Variants in TMEM132C observed in about 807,000 individuals in gnomAD.
TMEM132C encodes transmembrane protein 132C, also known as protein phosphatase 1, regulatory subunit 152.
Under a neutral mutation model 61.4 loss-of-function variants are expected in TMEM132C, and 29 were observed. That is an observed-to-expected ratio of 0.47 (90% CI 0.35 to 0.64). The LOEUF (loss-of-function observed/expected upper bound fraction) is 0.64. Among genes scored for constraint, TMEM132C ranks in the 30% least tolerant of loss-of-function variants. TMEM132C has a pLI of 0.00. For missense variants in TMEM132C, 1,408 were observed against 1,476.9 expected, an observed-to-expected ratio of 0.95 and a Z score of 0.76; for synonymous variants, 656 against 633.1, an observed-to-expected ratio of 1.04 and a Z score of -0.54.
At chr12:128,648,174 T>A (rs948274409) in intron 4 of TMEM132C, among the ~76,000 whole-genome samples, 1 of 151,444 alleles carries the variant, frequency 6.6e-6, no homozygotes, top group Non-Finnish European at 1.5e-5. Context: ...CAACGTTAAA[T>A]ATGAGTGTGT....
intron 4 of TMEM132C, among the ~76,000 whole-genome samples, chr12:128,659,691 A>C (rs964474805): frequency 2.6e-5 from 4 of 152,232 alleles, no homozygotes; most frequent in Non-Finnish European, 5.9e-5. Flanking sequence ...CACTTGGATT[A>C]AGCGTCCTTA....
At chr12:128,421,182 A>G (rs954122238) in intron 2 of TMEM132C, among the ~76,000 whole-genome samples, 17 of 152,320 alleles carry the variant, frequency 1.1e-4, no homozygotes, top group African/African-American at 4.1e-4. Context: ...TCTAGCATCC[A>G]TTCTAGCACT....
At chr12:128,705,048 G>A in intron 8 of TMEM132C, 42 bp from the exon 9 acceptor site, 1 of 1,472,718 alleles carries the variant, frequency 6.8e-7, no homozygotes, top group African/African-American at 1.4e-5. Context: ...TAAGGGAAAA[G>A]GCATCCCCCA....
At chr12:128,335,570 C>A (rs533012689) in intron 1 of TMEM132C, among the ~76,000 whole-genome samples, 18 of 152,320 alleles carry the variant, frequency 1.2e-4, no homozygotes, top group Non-Finnish European at 2.4e-4. Flanking sequence ...TGAATAACCT[C>A]TTTTGATTAT....
At chr12:128,491,980 C>A (rs1368308992) in intron 2 of TMEM132C, among the ~76,000 whole-genome samples, 1 of 151,966 alleles carries the variant, frequency 6.6e-6, no homozygotes, top group Non-Finnish European at 1.5e-5. Context: ...AGGTATATCT[C>A]CTAATGCTTT....
intron 6 of TMEM132C, 105 bp from the exon 7 acceptor site, chr12:128,695,724 TG>T: frequency 7.8e-7 from 1 of 1,287,044 alleles, no homozygotes; most frequent in Non-Finnish European, 1.0e-6. Context: ...CTGGCGCTCG[TG>T]TCTTCAATGT....
At chr12:128,680,511 A>G (rs1954626565) in intron 5 of TMEM132C, among the ~76,000 whole-genome samples, 1 of 152,252 alleles carries the variant, frequency 6.6e-6, no homozygotes, top group South Asian at 2.1e-4. Context: ...AGAATGGAAT[A>G]AAATGAAAAT....
intron 2 of TMEM132C, among the ~76,000 whole-genome samples, chr12:128,441,385 C>G (rs1869779597): frequency 1.3e-5 from 2 of 152,238 alleles, no homozygotes; most frequent in Non-Finnish European, 2.9e-5. Flanking sequence ...CATTTCCCCT[C>G]AAGTCATACA....
At chr12:128,282,032 G>C (rs535754423) in intron 1 of TMEM132C, among the ~76,000 whole-genome samples, 1 of 152,174 alleles carries the variant, frequency 6.6e-6, no homozygotes, top group Non-Finnish European at 1.5e-5. Context: ...GTGGAAAATG[G>C]CTGGAGTTTT....
chr12:128,377,171 C>T (rs1874218720), intron 1 of TMEM132C, among the ~76,000 whole-genome samples: 1 of 152,052 alleles, frequency 6.6e-6, no homozygotes. Context: ...TCTCCTGCCT[C>T]AGACTCCCAA....
intron 1 of TMEM132C, among the ~76,000 whole-genome samples, chr12:128,375,813 T>C (rs1874174521): frequency 6.6e-6 from 1 of 152,122 alleles, no homozygotes; most frequent in Admixed American, 6.5e-5. Flanking sequence ...TTGGGGATGG[T>C]ATGTTCCAGG....
At chr12:128,328,786 TAAA>T (rs71069557) in intron 1 of TMEM132C, among the ~76,000 whole-genome samples, 5,582 of 94,048 alleles carry the variant, frequency 0.059, 182 homozygotes, top group African/African-American at 0.13. Context: ...GATTCTGTCT[TAAA>T]AAAAAAAAAA....
At chr12:128,551,976 T>C (rs1228259365) in intron 3 of TMEM132C, among the ~76,000 whole-genome samples, 2 of 152,196 alleles carry the variant, frequency 1.3e-5, no homozygotes, top group African/African-American at 2.4e-5. Flanking sequence ...TCAGGGAAAA[T>C]GCTAAAACTT....
chr12:128,568,579 C>G (rs549920676), intron 3 of TMEM132C, among the ~76,000 whole-genome samples: 1 of 152,312 alleles, frequency 6.6e-6, no homozygotes, highest in South Asian at 2.1e-4. Flanking sequence ...TTTACAGATG[C>G]TGAAACTGAA....
rs573672723 is a variant in TMEM132C at position 128,695,903 on chromosome 12, G to A, written c.1729G>A (p.Ala577Thr). Reference protein sequence around the residue: ...GRGCALQYQHATVRVLTQFVS... With the variant: ...GRGCALQYQHTTVRVLTQFVS... The stretch of plus-strand genomic sequence containing the variant: ...GGGCTGCGCACTGCAATACCAGCAC[G>A]CCACCGTGCGGGTCCTCACCCAGTT... The change falls in exon 7 of 9, where the codon GCC (alanine) becomes ACC (threonine). Residue 577 changes from alanine (A) to threonine (T), a missense_variant. Physicochemically the swap from Ala to Thr is moderately conservative, Grantham distance 58 (BLOSUM62 0). Transcript: ENST00000435159. The A allele has an allele frequency of 1.7e-5, 27 of 1,551,524 alleles. No homozygotes were observed. The highest frequency in any genetic ancestry group is 5.9e-5 in the Admixed American group (3 of 51,012).
chr12:128,417,646 G>A (rs1349700649), intron 2 of TMEM132C, among the ~76,000 whole-genome samples: 1 of 152,116 alleles, frequency 6.6e-6, no homozygotes, highest in Non-Finnish European at 1.5e-5. Flanking sequence ...CTGCTTCGAT[G>A]GGGTTGTGAG....
intron 1 of TMEM132C, among the ~76,000 whole-genome samples, chr12:128,296,797 A>C (rs1871429461): frequency 6.6e-6 from 1 of 152,180 alleles, no homozygotes; most frequent in Admixed American, 6.5e-5. Flanking sequence ...GCATTTCTTT[A>C]ATTTAGCAAA....
intron 1 of TMEM132C, among the ~76,000 whole-genome samples, chr12:128,328,939 ATCC>A (rs1357275366): frequency 6.6e-6 from 1 of 152,014 alleles, no homozygotes; most frequent in East Asian, 1.9e-4. Flanking sequence ...ATCCCTGCCT[ATCC>A]TCTGTGTGCT....
At chr12:128,290,054 G>C (rs919834175) in intron 1 of TMEM132C, among the ~76,000 whole-genome samples, 2 of 152,152 alleles carry the variant, frequency 1.3e-5, no homozygotes, top group Non-Finnish European at 1.5e-5. Context: ...TCCAGAAAAG[G>C]TGGAGGAATT....
Sources: allele counts gnomAD v4.1 joint callset (sites outside exome capture counted in the v4.1 genomes callset), GRCh38; gene constraint gnomAD v4.1.1; transcripts MANE v1.5; gene names NCBI Gene and HGNC (gene_info 2026-07-23, HGNC 2026-07-21).